The following SOX5 variants were observed in gnomAD, a reference collection of about 807,000 sequenced individuals.
SOX5 encodes SRY-box transcription factor 5, also known as transcription factor SOX-5.
SOX5 carries 9 observed loss-of-function variants against 92.0 expected under a neutral mutation model. The observed-to-expected ratio is 0.10, with a 90% CI of 0.06 to 0.17. The LOEUF (loss-of-function observed/expected upper bound fraction) is 0.17. SOX5 is among the 10% of genes least tolerant of loss of function. The pLI is 1.00. For missense variants in SOX5, 642 were observed against 944.5 expected (o/e 0.68, Z 4.20); for synonymous variants, 344 against 336.3 (o/e 1.02, Z -0.25).
intron 2 of SOX5, among the ~76,000 whole-genome samples, chr12:24,292,863 C>T (rs1833677845): frequency 2.0e-5 from 3 of 152,206 alleles, no homozygotes; most frequent in African/African-American, 4.8e-5. Context: ...TCTTCCACTA[C>T]CCGCGTACTT....
chr12:24,055,256 G>A (rs972139920), intron 4 of SOX5, among the ~76,000 whole-genome samples: 3 of 152,104 alleles, frequency 2.0e-5, no homozygotes, highest in Non-Finnish European at 4.4e-5. Flanking sequence ...CTCCTTCAAG[G>A]AAGAGGGACC....
At chr12:24,307,516 A>G (rs369429641) in intron 2 of SOX5, among the ~76,000 whole-genome samples, 29 of 16,244 alleles carry the variant, frequency 1.8e-3, no homozygotes, top group Admixed American at 7.3e-3. Flanking sequence ...GAAGGAAGGA[A>G]GGCCGGCCCC....
intron 2 of SOX5, among the ~76,000 whole-genome samples, chr12:24,312,011 A>G (rs1414284449): frequency 2.0e-5 from 3 of 151,174 alleles, no homozygotes; most frequent in African/African-American, 4.9e-5. Context: ...AAAATTCTAC[A>G]TAAATTAAAC....
intron 7 of SOX5, 100 bp downstream of exon 7, chr12:23,665,344 T>C: frequency 7.8e-7 from 1 of 1,281,530 alleles, no homozygotes; most frequent in Non-Finnish European, 1.1e-6. Flanking sequence ...AAAAATGCTA[T>C]ATGGGTGATC....
At chr12:24,470,789 A>C (rs942667474) in intron 1 of SOX5, among the ~76,000 whole-genome samples, 3 of 152,166 alleles carry the variant, frequency 2.0e-5, no homozygotes, top group Admixed American at 2.0e-4. Flanking sequence ...TAACCTTTCC[A>C]AACCTCAGTT....
intron 4 of SOX5, among the ~76,000 whole-genome samples, chr12:24,203,797 C>T (rs1323807806): frequency 6.6e-6 from 1 of 152,166 alleles, no homozygotes; most frequent in Non-Finnish European, 1.5e-5. Flanking sequence ...ACGCCAATTA[C>T]TGTTTGGCAG....
At chr12:23,725,978 C>T (rs1252884806) in intron 6 of SOX5, among the ~76,000 whole-genome samples, 1 of 152,134 alleles carries the variant, frequency 6.6e-6, no homozygotes, top group Non-Finnish European at 1.5e-5. Flanking sequence ...TTCCCTTTTG[C>T]TTTTCCTTCA....
intron 1 of SOX5, among the ~76,000 whole-genome samples, chr12:24,483,518 T>C (rs1946212509): frequency 6.6e-6 from 1 of 152,364 alleles, no homozygotes; most frequent in Admixed American, 6.5e-5. Context: ...AGTACTTGTG[T>C]ATTTTACCAT....
At chr12:24,481,734 G>A (rs930288925) in intron 1 of SOX5, among the ~76,000 whole-genome samples, 2 of 152,058 alleles carry the variant, frequency 1.3e-5, no homozygotes, top group Non-Finnish European at 2.9e-5. Context: ...AGAGATCCAG[G>A]GGAGAAACGT....
At chr12:23,808,527 T>A (rs1204244090) in intron 3 of SOX5, among the ~76,000 whole-genome samples, 1 of 152,184 alleles carries the variant, frequency 6.6e-6, no homozygotes, top group East Asian at 1.9e-4. Flanking sequence ...AACACTTATT[T>A]GTAACTTATA....
At chr12:24,141,861 G>T (rs898538169) in intron 4 of SOX5, among the ~76,000 whole-genome samples, 3 of 152,104 alleles carry the variant, frequency 2.0e-5, no homozygotes, top group Admixed American at 1.3e-4. Flanking sequence ...GAATGTAAAT[G>T]CCCCATGTGT....
At chr12:24,448,578 C>T (rs970613809) in intron 1 of SOX5, among the ~76,000 whole-genome samples, 12 of 152,110 alleles carry the variant, frequency 7.9e-5, no homozygotes, top group Non-Finnish European at 1.6e-4. Flanking sequence ...TTTCCTGATG[C>T]TTTACCACCA....
At chr12:24,312,372 C>A (rs150553514) in intron 2 of SOX5, among the ~76,000 whole-genome samples, 142 of 152,310 alleles carry the variant, frequency 9.3e-4, no homozygotes, top group African/African-American at 3.0e-3. Context: ...CCACTGGTAT[C>A]ATTGCAATCC....
At chr12:23,723,566 T>TTTTATATATATA (rs113098475) in intron 6 of SOX5, among the ~76,000 whole-genome samples, 1 of 144,678 alleles carries the variant, frequency 6.9e-6, no homozygotes, top group Non-Finnish European at 1.5e-5. Flanking sequence ...AGGAGAAAAA[T>TTTTATATATATA]TATATATATA....
At chr12:24,220,534 TA>T (rs1960157036) in intron 3 of SOX5, among the ~76,000 whole-genome samples, 2 of 152,196 alleles carry the variant, frequency 1.3e-5, no homozygotes, top group Admixed American at 1.3e-4. Flanking sequence ...AAAGGGCTAT[TA>T]AATAAAGTGA....
intron 4 of SOX5, among the ~76,000 whole-genome samples, chr12:24,139,391 G>A (rs190997687): frequency 2.6e-5 from 4 of 152,168 alleles, no homozygotes; most frequent in South Asian, 2.1e-4. Flanking sequence ...TTACTGTCTG[G>A]GCACAGGCAG....
Position 23,900,955 on chromosome 12 carries a change from T to A in SOX5, c.39-4931A>T, listed in dbSNP as rs372630990. Among the ~76,000 whole-genome samples, 8 of 152,144 alleles carry A rather than the reference T, an allele frequency of 5.3e-5. No individual in the cohort carries two copies. The East Asian group carries it at 1.5e-3, about 29-fold the overall frequency. ...AGCCTGGTGACAGAGCAAGACTCTGTCTCAAAACAAACAAACAAAAAACAA... is the reference window on the plus strand; with the variant it reads ...AGCCTGGTGACAGAGCAAGACTCTGACTCAAAACAAACAAACAAAAAACAA... On this transcript the variant is annotated intron_variant, in intron 1 of 14. Transcript: ENST00000451604.
At chr12:23,964,984 G>C (rs1162478292) in intron 4 of SOX5, among the ~76,000 whole-genome samples, 1 of 152,182 alleles carries the variant, frequency 6.6e-6, no homozygotes, top group Admixed American at 6.5e-5. Flanking sequence ...TGAGCACCAG[G>C]GCTAGCGCAC....
rs1943425075 is a variant in SOX5 at position 23,940,541 on chromosome 12, C to T, written c.38+9023G>A. 2.0e-5 allele frequency among the ~76,000 whole-genome samples: 3 copies of T among 151,266 alleles called. No homozygotes were observed. The South Asian group carries it at 6.2e-4, about 31-fold the overall frequency. On this transcript the variant is annotated intron_variant, in intron 1 of 14. Coordinates refer to ENST00000451604, the MANE Select transcript of SOX5 (RefSeq NM_006940.6). ...TTAACTGATTTTAGAAATTATCCAT[C>T]CTATCTTCTAATTTTACAGATGCAT... is the stretch of plus-strand genomic sequence containing the variant.
Sources: gnomAD v4.1 joint callset for allele counts (sites outside exome capture counted in the v4.1 genomes callset) on GRCh38, gnomAD v4.1.1 for gene constraint, MANE v1.5 for transcripts, NCBI Gene and HGNC (gene_info 2026-07-23, HGNC 2026-07-21) for gene names.